Variants in RYR3 observed in about 807,000 individuals in gnomAD.
RYR3 encodes brain ryanodine receptor-calcium release channel.
In RYR3, 207 loss-of-function variants were observed where a neutral mutation model predicts 584.3. The ratio of observed to expected loss-of-function variants is 0.35; its 90% CI spans 0.32 to 0.40. The LOEUF (loss-of-function observed/expected upper bound fraction) is 0.40. Ranked by LOEUF, RYR3 falls within the 10% of genes least tolerant of loss-of-function variation. RYR3 has a pLI of 1.00. For missense variants in RYR3, 5,616 were observed against 6,089.2 expected, an observed-to-expected ratio of 0.92 and a Z score of 2.59; for synonymous variants, 2,416 against 2,248.5, an observed-to-expected ratio of 1.07 and a Z score of -2.11.
chr15:33,652,889 G>T lies in RYR3; in HGVS notation c.4308+6G>T, dbSNP rs1487912253. On this transcript the variant is annotated splice_donor_region_variant and intron_variant, in intron 32 of 103. Coordinates refer to ENST00000634891, the MANE Select transcript of RYR3 (RefSeq NM_001036.6). ...AACTGGGCACCTGCTACCAGGTAAGGGCGGCTTCTGGGGCCGAAACAGGGC... is the reference window on the plus strand; with the variant it reads ...AACTGGGCACCTGCTACCAGGTAAGTGCGGCTTCTGGGGCCGAAACAGGGC... The T allele has an allele frequency of 1.2e-6, 2 of 1,602,744 alleles. No homozygotes were observed. Among genetic ancestry groups the T allele is most frequent in the South Asian group, 1.1e-5 (1 of 90,114 alleles).
chr15:33,580,901 TC>T (rs1167394825), intron 13 of RYR3, among the ~76,000 whole-genome samples: 1 of 152,200 alleles, frequency 6.6e-6, no homozygotes, highest in African/African-American at 2.4e-5. Flanking sequence ...CTACTGAAAT[TC>T]CATTTACCAT....
At chr15:33,497,127 C>T (rs1395920546) in intron 2 of RYR3, among the ~76,000 whole-genome samples, 3 of 152,136 alleles carry the variant, frequency 2.0e-5, no homozygotes, top group Non-Finnish European at 4.4e-5. Flanking sequence ...GGAGAATACG[C>T]GTTAATTCCC....
chr15:33,560,381 CAG>C lies in RYR3; in HGVS notation c.973-2454_973-2453del, dbSNP rs547251904. On this transcript the variant is annotated intron_variant, in intron 10 of 103. Transcript: ENST00000634891. ...ATGCTGTTTTGTAAAAACAAAGACA[CAG>C]AAACACTCCTTTCTATACAGAATAA... Among the ~76,000 whole-genome samples the C allele has an allele frequency of 2.8e-4, 42 of 152,222 alleles. No individual in the cohort carries two copies. The East Asian group carries it at 7.3e-3, about 27-fold the overall frequency.
chr15:33,678,259 G>A (rs369285949), intron 38 of RYR3, among the ~76,000 whole-genome samples: 1 of 152,178 alleles, frequency 6.6e-6, no homozygotes, highest in Non-Finnish European at 1.5e-5. Flanking sequence ...TGAAGCAGGG[G>A]CCTGGTGGGA....
At position 33,811,041 on chromosome 15, in the gene RYR3, A is replaced by G. The variant is rs1287812179; in HGVS notation, c.10257+4A>G. On this transcript the variant is annotated splice_donor_region_variant and intron_variant, in intron 72 of 103. Transcript: ENST00000634891. ...CAACTTGCACTTGCAGGAAAAGGTG[A>G]TGACTCAGGACAGCAGTGAGAACTC... 6.2e-7 allele frequency: 1 copy of G among 1,605,858 alleles called. No individual in the cohort carries two copies. Among genetic ancestry groups the G allele is most frequent in the Non-Finnish European group, 8.5e-7 (1 of 1,176,270 alleles).
chr15:33,733,059 A>C (rs896039922), intron 48 of RYR3, among the ~76,000 whole-genome samples: 1 of 152,260 alleles, frequency 6.6e-6, no homozygotes, highest in Non-Finnish European at 1.5e-5. Context: ...CACTACACAC[A>C]TATCAGAATG....
chr15:33,532,780 G>C (rs1259787053), intron 4 of RYR3, among the ~76,000 whole-genome samples: 1 of 152,094 alleles, frequency 6.6e-6, no homozygotes, highest in African/African-American at 2.4e-5. Flanking sequence ...TAACTACTGA[G>C]TCATCAGATA....
intron 16 of RYR3, among the ~76,000 whole-genome samples, chr15:33,592,019 A>G (rs1434666952): frequency 1.3e-5 from 2 of 152,294 alleles, no homozygotes; most frequent in East Asian, 1.9e-4. Context: ...ATAGACAGTA[A>G]TAGAGATAAA....
intron 7 of RYR3, among the ~76,000 whole-genome samples, 170 bp downstream of exon 7, chr15:33,541,060 A>T (rs997765148): frequency 2.0e-5 from 3 of 151,994 alleles, no homozygotes; most frequent in African/African-American, 7.2e-5. Context: ...ATTATTTTCT[A>T]TTCTAACTTC....
Position 33,838,490 on chromosome 15 carries a change from G to A in RYR3, c.12510G>A (p.Arg4170=). ...ATLKNLRKQY[R]NVKKMTAKEL... ...TGAAGAACCTCAGGAAGCAGTACAGGAACGTGAAAAAGATGACTGCGAAGG... is the reference window on the plus strand; with the variant it reads ...TGAAGAACCTCAGGAAGCAGTACAGAAACGTGAAAAAGATGACTGCGAAGG... Residue 4170 remains arginine, a synonymous_variant, in exon 89 of 104, where the codon AGG becomes AGA. Coordinates refer to ENST00000634891, the MANE Select transcript of RYR3 (RefSeq NM_001036.6). The A allele has an allele frequency of 6.2e-7, 1 of 1,614,012 alleles. No homozygotes were observed. Among genetic ancestry groups the A allele is most frequent in the Non-Finnish European group, 8.5e-7 (1 of 1,179,878 alleles).
chr15:33,367,683 A>G (rs1489856520), intron 1 of RYR3, among the ~76,000 whole-genome samples: 1 of 152,176 alleles, frequency 6.6e-6, no homozygotes, highest in Admixed American at 6.5e-5. Context: ...CTATGATTTC[A>G]AAACAAAACA....
At chr15:33,846,068 T>A (rs2078705889) in intron 93 of RYR3, among the ~76,000 whole-genome samples, 1 of 152,158 alleles carries the variant, frequency 6.6e-6, no homozygotes, top group African/African-American at 2.4e-5. Context: ...TCAGCTGGGG[T>A]AGCTGGGCCT....
intron 16 of RYR3, among the ~76,000 whole-genome samples, chr15:33,597,431 A>G (rs780261714): frequency 6.6e-6 from 1 of 152,128 alleles, no homozygotes; most frequent in African/African-American, 2.4e-5. Flanking sequence ...CCTGGTCAAC[A>G]TAGTGAAACC....
At chr15:33,831,228 C>A in intron 86 of RYR3, 137 bp downstream of exon 86, 1 of 797,404 alleles carries the variant, frequency 1.3e-6, no homozygotes, top group Non-Finnish European at 1.8e-6. Context: ...TTTATTTTCT[C>A]TAAATAGGAA....
intron 51 of RYR3, among the ~76,000 whole-genome samples, chr15:33,741,045 G>A (rs948184152): frequency 1.5e-4 from 23 of 152,328 alleles, no homozygotes; most frequent in Admixed American, 3.3e-4. Context: ...AGCAAATGGC[G>A]TAGTAACTTG....
intron 16 of RYR3, among the ~76,000 whole-genome samples, chr15:33,591,767 G>A (rs978289243): frequency 2.0e-5 from 3 of 152,184 alleles, no homozygotes; most frequent in African/African-American, 4.8e-5. Context: ...TGATAAAATA[G>A]TAATATCATT....
At chr15:33,331,688 A>T (rs1356522569) in intron 1 of RYR3, among the ~76,000 whole-genome samples, 3 of 152,086 alleles carry the variant, frequency 2.0e-5, no homozygotes, top group Admixed American at 1.3e-4. Flanking sequence ...CACAGACAGA[A>T]CTTAGCTAAA....
chr15:33,864,881 T>A (rs375872684), intron 103 of RYR3: 2 of 451,372 alleles, frequency 4.4e-6, no homozygotes, highest in African/African-American at 3.9e-5. Flanking sequence ...AAACATTGAT[T>A]GGTTTCAGTT....
intron 100 of RYR3, among the ~76,000 whole-genome samples, chr15:33,859,995 A>G (rs1250533795): frequency 1.3e-5 from 2 of 151,918 alleles, no homozygotes; most frequent in Non-Finnish European, 2.9e-5. Flanking sequence ...TTTACTCCTC[A>G]CTTCTGCTTC....
Sources: allele counts gnomAD v4.1 joint callset (sites outside exome capture counted in the v4.1 genomes callset), GRCh38; gene constraint gnomAD v4.1.1; transcripts MANE v1.5; gene names NCBI Gene and HGNC (gene_info 2026-07-23, HGNC 2026-07-21).